TMEM212: variants seen among roughly 807,000 people sequenced by gnomAD.
TMEM212 encodes the protein transmembrane protein 212.
TMEM212 carries 23 observed loss-of-function variants against 20.5 expected under a neutral mutation model. That is an observed-to-expected ratio of 1.12 (90% CI 0.81 to 1.59). The LOEUF (loss-of-function observed/expected upper bound fraction) is 1.59. TMEM212 is among the 40% of genes most tolerant of loss of function. TMEM212 has a pLI of 0.00. For synonymous variants in TMEM212, 76 were observed against 81.6 expected (o/e 0.93, Z 0.37); for missense variants, 211 against 215.0 (o/e 0.98, Z 0.12).
chr3:171,852,595 T>C (rs1454099861), intron 2 of TMEM212, among the ~76,000 whole-genome samples: 4 of 152,246 alleles, frequency 2.6e-5, no homozygotes, highest in African/African-American at 7.2e-5. Flanking sequence ...GTGTTAGTGC[T>C]CCTAAATTTC....
intron 3 of TMEM212, among the ~76,000 whole-genome samples, chr3:171,854,690 C>T (rs935554255): frequency 2.0e-5 from 3 of 152,086 alleles, no homozygotes; most frequent in African/African-American, 2.4e-5. Context: ...ATAGCCAAAG[C>T]GAACTTGAGA....
At chr3:171,851,810 C>T (rs1447751113) in intron 1 of TMEM212, among the ~76,000 whole-genome samples, 172 bp from the exon 2 acceptor site, 2 of 152,188 alleles carry the variant, frequency 1.3e-5, no homozygotes, top group Non-Finnish European at 2.9e-5. Flanking sequence ...TTACTTTCCT[C>T]GTCATCACAG....
intron 4 of TMEM212, 73 bp downstream of exon 4, chr3:171,856,780 T>C: frequency 5.7e-6 from 3 of 522,544 alleles, no homozygotes; most frequent in East Asian, 6.1e-5. Context: ...AATTATAAAA[T>C]TTAAGATGTT....
chr3:171,854,891 T>G (rs1311619559), intron 3 of TMEM212, among the ~76,000 whole-genome samples: 1 of 152,208 alleles, frequency 6.6e-6, no homozygotes, highest in African/African-American at 2.4e-5. Context: ...GAAAAAGGGA[T>G]ATTTAGGACA....
At chr3:171,851,072 A>G (rs933121338) in intron 1 of TMEM212, among the ~76,000 whole-genome samples, 3 of 152,172 alleles carry the variant, frequency 2.0e-5, no homozygotes, top group Non-Finnish European at 4.4e-5. Context: ...TTCTCTGTCA[A>G]AAGCTAACTT....
At chr3:171,852,204 G>A (rs1432525756) in intron 2 of TMEM212, among the ~76,000 whole-genome samples, 163 bp downstream of exon 2, 1 of 151,738 alleles carries the variant, frequency 6.6e-6, no homozygotes, top group Non-Finnish European at 1.5e-5. Flanking sequence ...TGTTTTAAAA[G>A]ATTTTTTTTT....
At chr3:171,843,600 G>A in intron 1 of TMEM212, 58 bp downstream of exon 1, 1 of 1,370,370 alleles carries the variant, frequency 7.3e-7, no homozygotes, top group Non-Finnish European at 9.7e-7. Context: ...GAGGGAAAGG[G>A]AAAACAGAAG....
intron 2 of TMEM212, among the ~76,000 whole-genome samples, chr3:171,852,393 G>A (rs1389139403): frequency 6.6e-6 from 1 of 152,116 alleles, no homozygotes; most frequent in Non-Finnish European, 1.5e-5. Flanking sequence ...TAAAGACAGG[G>A]TTTCGCCATG....
rs987807794 is a variant in TMEM212, at chr3:171,858,517, G to T, written c.*460G>T. 5 of 152,116 alleles carry T rather than the reference G, an allele frequency of 3.3e-5. 1 individual carries two copies. The highest frequency in any genetic ancestry group is 1.2e-4 in the African/African-American group (5 of 41,378). 9.4% of individuals were successfully genotyped at this position (152,116 alleles called of 1,614,324 possible). A position where few individuals can be genotyped will look rare whatever the true frequency, so the allele number is the denominator to read the frequency against. On this transcript the variant is annotated 3_prime_UTR_variant, in exon 5 of 5. Coordinates refer to ENST00000334567, the MANE Select transcript of TMEM212 (RefSeq NM_001164436.2). ...CATTCAGGACATAGGCATGGGCAAAGACTTCATGACTAAAACACCAAAAGC... is the reference window on the plus strand; with the variant it reads ...CATTCAGGACATAGGCATGGGCAAATACTTCATGACTAAAACACCAAAAGC...
Position 171,853,689 on chromosome 3 carries a change from T to C in TMEM212, c.382T>C (p.Tyr128His). Residue 128 changes from tyrosine (Y) to histidine (H), a missense_variant, in exon 3 of 5, where the codon TAT becomes CAT. By Grantham distance (83) the Tyr-to-His change is moderately conservative. Transcript: ENST00000334567. ...CTATGCAGTTACCTTTCCTTATCCA[T>C]ATGCAAAATTCCCATTAGCCTGTGT... ...LGYAVTFPYP[Y>H]AKFPLACVDP... The C allele has an allele frequency of 6.5e-7, 1 of 1,537,526 alleles. No homozygotes were observed. Among genetic ancestry groups the C allele is most frequent in the Non-Finnish European group, 8.7e-7 (1 of 1,146,936 alleles).
At chr3:171,844,273 G>T (rs1323375675) in intron 1 of TMEM212, among the ~76,000 whole-genome samples, 1 of 152,124 alleles carries the variant, frequency 6.6e-6, no homozygotes, top group African/African-American at 2.4e-5. Context: ...TGGCTTCCAT[G>T]CTGGTATGAT....
At chr3:171,853,918 G>A (rs1725052758) in intron 3 of TMEM212, 68 bp downstream of exon 3, 4 of 1,204,356 alleles carry the variant, frequency 3.3e-6, no homozygotes, top group Admixed American at 2.4e-5. Flanking sequence ...AGTCTGGTAT[G>A]TGAACAGTTG....
At position 171,858,445 on chromosome 3, in the gene TMEM212, G is replaced by T. The variant is rs1446903372; in HGVS notation, c.*388G>T. The T allele has an allele frequency of 6.6e-6, 1 of 152,050 alleles. No homozygotes were observed. Among genetic ancestry groups the T allele is most frequent in the African/African-American group, 2.4e-5 (1 of 41,362 alleles). 9.4% of individuals were successfully genotyped at this position (152,050 alleles called of 1,614,324 possible). On this transcript the variant is annotated 3_prime_UTR_variant, in exon 5 of 5. Transcript: ENST00000334567. ...CTCAAGATGGATTAAAGACTTAAAT[G>T]TAAGACCTAAAACCATAAAAACCCT...
intron 4 of TMEM212, chr3:171,857,036 T>G (rs984101020): frequency 1.1e-5 from 2 of 182,188 alleles, no homozygotes; most frequent in African/African-American, 4.7e-5. Flanking sequence ...TAGCCCTTTG[T>G]GTGGAGCATT....
At chr3:171,851,626 G>A (rs953245593) in intron 1 of TMEM212, among the ~76,000 whole-genome samples, 1 of 152,200 alleles carries the variant, frequency 6.6e-6, no homozygotes, top group Non-Finnish European at 1.5e-5. Context: ...CAGTTTGTGA[G>A]AAAGGTGAAC....
intron 1 of TMEM212, among the ~76,000 whole-genome samples, chr3:171,845,859 A>G (rs894919848): frequency 3.3e-5 from 5 of 152,186 alleles, no homozygotes; most frequent in Non-Finnish European, 7.3e-5. Flanking sequence ...CAACCCTAAG[A>G]TGCACAGTGA....
chr3:171,849,529 T>C (rs562394538), intron 1 of TMEM212, among the ~76,000 whole-genome samples: 5 of 152,276 alleles, frequency 3.3e-5, no homozygotes, highest in African/African-American at 1.2e-4. Flanking sequence ...AGTTAACACA[T>C]GTGAAGTGTT....
At chr3:171,847,268 C>T (rs914878124) in intron 1 of TMEM212, among the ~76,000 whole-genome samples, 1 of 152,254 alleles carries the variant, frequency 6.6e-6, no homozygotes, top group Non-Finnish European at 1.5e-5. Context: ...AGTTTAAACA[C>T]AGGCCCTGAG....
Position 171,844,922 on chromosome 3 carries a change from T to C in TMEM212, c.159+1380T>C, listed in dbSNP as rs555466916. Among the ~76,000 whole-genome samples, 469 of 152,230 alleles carry C rather than the reference T, an allele frequency of 3.1e-3. 2 individuals are homozygous for C. Among genetic ancestry groups the C allele is most frequent in the Non-Finnish European group, 6.0e-3 (406 of 68,006 alleles). On this transcript the variant is annotated intron_variant, in intron 1 of 4. Coordinates refer to ENST00000334567, the MANE Select transcript of TMEM212 (RefSeq NM_001164436.2). Reference sequence around the variant, plus strand: ...TTCATCTTAAAGGAACTTGGTCTAGTGGGGTTTGATGAATGTGTGCAGATA... The same window carrying C: ...TTCATCTTAAAGGAACTTGGTCTAGCGGGGTTTGATGAATGTGTGCAGATA...
Sources: allele counts gnomAD v4.1 joint callset (sites outside exome capture counted in the v4.1 genomes callset), GRCh38; gene constraint gnomAD v4.1.1; transcripts MANE v1.5; gene names NCBI Gene and HGNC (gene_info 2026-07-23, HGNC 2026-07-21).